MYO1B: variants seen among roughly 807,000 people sequenced by gnomAD.
MYO1B encodes unconventional myosin-Ib.
MYO1B carries 72 observed loss-of-function variants against 159.7 expected under a neutral mutation model. The ratio of observed to expected loss-of-function variants is 0.45; its 90% CI spans 0.37 to 0.55. The LOEUF is 0.55. Ranked by LOEUF, MYO1B falls within the 20% of genes least tolerant of loss-of-function variation. The probability of loss-of-function intolerance (pLI) is 0.00; values close to 1 mark genes in which losing one functional copy is unlikely to be tolerated. For synonymous variants in MYO1B, 468 were observed against 473.8 expected (o/e 0.99, Z 0.16); for missense variants, 1,062 against 1,364.8 (o/e 0.78, Z 3.50).
At chr2:191,259,605 T>C (rs539399094) in intron 1 of MYO1B, among the ~76,000 whole-genome samples, 1 of 152,340 alleles carries the variant, frequency 6.6e-6, no homozygotes, top group East Asian at 1.9e-4. Context: ...CTGTTGTGAA[T>C]AATACTGTGA....
intron 30 of MYO1B, among the ~76,000 whole-genome samples, chr2:191,421,432 T>TG (rs1419951492): frequency 6.6e-6 from 1 of 152,074 alleles, no homozygotes; most frequent in Non-Finnish European, 1.5e-5. Context: ...CCAAGGTTAT[T>TG]GGGGAAAGAA....
At chr2:191,302,642 C>T (rs1689407011) in intron 3 of MYO1B, among the ~76,000 whole-genome samples, 1 of 152,334 alleles carries the variant, frequency 6.6e-6, no homozygotes, top group East Asian at 1.9e-4. Context: ...GCAACAAGCC[C>T]TCTGGTGGTC....
Position 191,414,108 on chromosome 2 carries a change from A to G in MYO1B, c.2934A>G (p.Lys978=). ...TCAACAAGAACCCCAAGTATAAGAA[A>G]CTCAAAGATGCCATTGAAGAAAAGA... ...LEINKNPKYK[K]LKDAIEEKII... is the part of the protein sequence containing the mutation. Residue 978 remains lysine (K), a synonymous_variant, in exon 28 of 31, where the codon AAA becomes AAG. Transcript: ENST00000392318. 6.2e-7 allele frequency: 1 copy of G among 1,613,482 alleles called. No individual in the cohort carries two copies. Among genetic ancestry groups the G allele is most frequent in the Non-Finnish European group, 8.5e-7 (1 of 1,179,678 alleles).
chr2:191,320,843 A>G (rs926363700), intron 3 of MYO1B, among the ~76,000 whole-genome samples: 1 of 146,980 alleles, frequency 6.8e-6, no homozygotes, highest in Admixed American at 6.6e-5. Flanking sequence ...TCCTTTATGC[A>G]TTAAAAAAAA....
At chr2:191,375,270 T>TA (rs1694624402) in intron 13 of MYO1B, among the ~76,000 whole-genome samples, 1 of 152,248 alleles carries the variant, frequency 6.6e-6, no homozygotes, top group Non-Finnish European at 1.5e-5. Flanking sequence ...GTCATTGTAG[T>TA]CTGGTAGGTA....
At chr2:191,340,337 C>T (rs1692134762) in intron 4 of MYO1B, among the ~76,000 whole-genome samples, 1 of 152,112 alleles carries the variant, frequency 6.6e-6, no homozygotes, top group African/African-American at 2.4e-5. Flanking sequence ...CTGCATCTGA[C>T]TCACTGTAGC....
intron 1 of MYO1B, among the ~76,000 whole-genome samples, chr2:191,269,086 C>T (rs1687309247): frequency 6.6e-6 from 1 of 152,172 alleles, no homozygotes; most frequent in African/African-American, 2.4e-5. Context: ...CACTGCTGTG[C>T]CGCCATCACC....
At chr2:191,272,453 G>GC (rs1364593614) in intron 1 of MYO1B, among the ~76,000 whole-genome samples, 1 of 152,202 alleles carries the variant, frequency 6.6e-6, no homozygotes, top group African/African-American at 2.4e-5. Flanking sequence ...CTAGTAAGAA[G>GC]CGTAAGAAGC....
intron 1 of MYO1B, among the ~76,000 whole-genome samples, chr2:191,266,607 C>T (rs1687153942): frequency 6.6e-6 from 1 of 152,178 alleles, no homozygotes; most frequent in Non-Finnish European, 1.5e-5. Flanking sequence ...CATTTTCAGA[C>T]CCGTCAGAAA....
intron 27 of MYO1B, among the ~76,000 whole-genome samples, chr2:191,411,590 T>C (rs1431829181): frequency 6.6e-6 from 1 of 152,180 alleles, no homozygotes; most frequent in Non-Finnish European, 1.5e-5. Flanking sequence ...AGAAACTTAT[T>C]TGTAAGGTAA....
intron 4 of MYO1B, among the ~76,000 whole-genome samples, chr2:191,333,468 C>A (rs1691623595): frequency 6.6e-6 from 1 of 152,102 alleles, no homozygotes; most frequent in African/African-American, 2.4e-5. Flanking sequence ...CCTGTATTTC[C>A]CATATCAAAT....
intron 21 of MYO1B, 35 bp from the exon 22 acceptor site, chr2:191,400,347 A>G: frequency 6.2e-7 from 1 of 1,606,426 alleles, no homozygotes; most frequent in South Asian, 1.1e-5. Context: ...CTTTATTTTT[A>G]AACATTCTCT....
At chr2:191,314,240 T>C (rs1285297567) in intron 3 of MYO1B, among the ~76,000 whole-genome samples, 1 of 152,256 alleles carries the variant, frequency 6.6e-6, no homozygotes, top group Non-Finnish European at 1.5e-5. Context: ...TCATCCATTT[T>C]TCATGTTTCT....
intron 7 of MYO1B, among the ~76,000 whole-genome samples, chr2:191,351,411 G>A (rs748669183): frequency 3.3e-5 from 5 of 151,966 alleles, no homozygotes; most frequent in Non-Finnish European, 7.4e-5. Flanking sequence ...GCAGAAGAAT[G>A]CCATTTGAAA....
chr2:191,385,740 ATTGTT>A (rs763006684), intron 15 of MYO1B, 139 bp from the exon 16 acceptor site: 1 of 841,250 alleles, frequency 1.2e-6, no homozygotes. Context: ...GGCTTTTGTT[ATTGTT>A]TTGAGTCTCT....
At position 191,318,880 on chromosome 2, in the gene MYO1B, A is replaced by G. The variant is rs1317352099; in HGVS notation, c.252-11055A>G. Among the ~76,000 whole-genome samples, 3 of 152,290 alleles carry G rather than the reference A, an allele frequency of 2.0e-5. No homozygotes were observed. The South Asian group carries it at 6.2e-4, about 32-fold the overall frequency. ...GTGTCAGGGCACTTTCTGTGTACCAATGTTAAATCTTCCTCTAGCAGTCAC... is the reference window on the plus strand; with the variant it reads ...GTGTCAGGGCACTTTCTGTGTACCAGTGTTAAATCTTCCTCTAGCAGTCAC... On this transcript the variant is annotated intron_variant, in intron 3 of 30. Coordinates refer to ENST00000392318, the MANE Select transcript of MYO1B (RefSeq NM_001130158.3).
chr2:191,411,496 C>T lies in MYO1B; in HGVS notation c.2873+324C>T, dbSNP rs566898463. Among the ~76,000 whole-genome samples the T allele has an allele frequency of 4.6e-5, 7 of 152,228 alleles. No homozygotes were observed. The South Asian group carries it at 1.2e-3, about 27-fold the overall frequency. On this transcript the variant is annotated intron_variant, in intron 27 of 30. Transcript: ENST00000392318. ...GCATTGTAAATTCCTGTTCCTTTTC[C>T]GTAGTTTTCAAAGACTAGCCAAATT...
intron 3 of MYO1B, among the ~76,000 whole-genome samples, chr2:191,299,971 G>A (rs1029195902): frequency 3.9e-5 from 6 of 152,184 alleles, no homozygotes; most frequent in South Asian, 2.1e-4. Context: ...TAATAATAAG[G>A]TATGTGGGAC....
At chr2:191,333,841 T>G (rs1490341922) in intron 4 of MYO1B, among the ~76,000 whole-genome samples, 1 of 152,206 alleles carries the variant, frequency 6.6e-6, no homozygotes, top group Non-Finnish European at 1.5e-5. Context: ...ATTTAATTCT[T>G]AGAAGCAGTA....
Sources: allele counts gnomAD v4.1 joint callset (sites outside exome capture counted in the v4.1 genomes callset), GRCh38; gene constraint gnomAD v4.1.1; transcripts MANE v1.5; gene names NCBI Gene and HGNC (gene_info 2026-07-23, HGNC 2026-07-21).